The following PRDM16 variants were observed in gnomAD, a reference collection of about 807,000 sequenced individuals.
The protein encoded by PRDM16 is PR/SET domain 16, also known as histone-lysine N-methyltransferase PRDM16.
A neutral mutation model predicts 110.6 loss-of-function variants in PRDM16; 23 were observed. That is an observed-to-expected ratio of 0.21 (90% CI 0.15 to 0.29). The LOEUF is 0.29. Ranked by LOEUF, PRDM16 falls within the 10% of genes least tolerant of loss-of-function variation. The pLI is 1.00. For synonymous variants in PRDM16, 799 were observed against 781.8 expected (o/e 1.02, Z -0.37); for missense variants, 1,615 against 1,794.3 (o/e 0.90, Z 1.81).
intron 3 of PRDM16, among the ~76,000 whole-genome samples, chr1:3,327,500 GGCCCCGGGC>G (rs1641941626): frequency 1.3e-5 from 2 of 152,192 alleles, no homozygotes. Context: ...CAACGGCGGC[GGCCCCGGGC>G]AGGGATTCTG....
At chr1:3,179,078 GGA>G (rs1273493515) in intron 1 of PRDM16, among the ~76,000 whole-genome samples, 1 of 152,250 alleles carries the variant, frequency 6.6e-6, no homozygotes, top group Non-Finnish European at 1.5e-5. Flanking sequence ...TCAGGGCCTT[GGA>G]GGAACTCAGA....
rs1323948102 is a variant in PRDM16, at chr1:3,246,932, G to C, written c.438+2795G>C. Reference sequence around the variant, plus strand: ...TCGAGTGGGCGTCAGTCCAGACGGAGACCCCACCCTGCAAACAAATGCGCC... The same window carrying C: ...TCGAGTGGGCGTCAGTCCAGACGGACACCCCACCCTGCAAACAAATGCGCC... On this transcript the variant is annotated intron_variant, in intron 3 of 16. Transcript: ENST00000270722. The surrounding 1 kb of genome is among the most constrained non-coding windows in gnomAD (Gnocchi z 5.2). Among the ~76,000 whole-genome samples the C allele has an allele frequency of 2.6e-5, 4 of 152,166 alleles. No individual in the cohort carries two copies. The highest frequency in any genetic ancestry group is 5.9e-5 in the Non-Finnish European group (4 of 68,024).
Position 3,327,008 on chromosome 1 carries a change from C to T in PRDM16, c.439-58144C>T, listed in dbSNP as rs531248096. Among the ~76,000 whole-genome samples, 64 of 152,350 alleles carry T rather than the reference C, an allele frequency of 4.2e-4. 1 individual carries two copies. In the South Asian group the frequency reaches 0.011, roughly 26 times the overall value. On this transcript the variant is annotated intron_variant, in intron 3 of 16. Coordinates refer to ENST00000270722, the MANE Select transcript of PRDM16 (RefSeq NM_022114.4). ...AGGAGCCCACGCACAGGGCCTGGAG[C>T]GGGGCTGGGTGGACCTCAGACCCTG...
At chr1:3,298,832 C>T (rs555346991) in intron 3 of PRDM16, among the ~76,000 whole-genome samples, 1 of 152,304 alleles carries the variant, frequency 6.6e-6, no homozygotes, top group South Asian at 2.1e-4. Flanking sequence ...TCTCCAACCA[C>T]GTTTGGCCAA....
At chr1:3,200,072 G>T (rs1638580411) in intron 2 of PRDM16, among the ~76,000 whole-genome samples, 1 of 152,254 alleles carries the variant, frequency 6.6e-6, no homozygotes, top group African/African-American at 2.4e-5. Flanking sequence ...GTAAACATGG[G>T]ACCTTCTTCA....
chr1:3,212,016 G>A (rs1286125113), intron 2 of PRDM16, among the ~76,000 whole-genome samples: 1 of 152,190 alleles, frequency 6.6e-6, no homozygotes, highest in Non-Finnish European at 1.5e-5. Context: ...TCTCCGGGTG[G>A]ATTAATCCTC....
In PRDM16 at chr1:3,390,704, C is replaced by T. The variant is rs1041556395; in HGVS notation, c.573+5418C>T. Among the ~76,000 whole-genome samples the T allele has an allele frequency of 2.0e-5, 3 of 152,156 alleles. No homozygotes were observed. Among genetic ancestry groups the T allele is most frequent in the Admixed American group, 2.0e-4 (3 of 15,282 alleles). On this transcript the variant is annotated intron_variant, in intron 4 of 16. Transcript: ENST00000270722. This position sits in a 1 kb window ranked among gnomAD's most constrained non-coding sequence, Gnocchi z 5.0. ...CTGTCCTGGGCTCTGACCCGGGTCC[C>T]GCGTTTCTGTCTGGGCGTGTGCCCT...
At chr1:3,076,848 C>G (rs1308066077) in intron 1 of PRDM16, among the ~76,000 whole-genome samples, 1 of 152,324 alleles carries the variant, frequency 6.6e-6, no homozygotes, top group South Asian at 2.1e-4. Flanking sequence ...TTGGTTTTCT[C>G]CTCTGACACC....
At chr1:3,418,574 G>A (rs1638338638) in intron 11 of PRDM16, 93 bp from the exon 12 acceptor site, 6 of 837,790 alleles carry the variant, frequency 7.2e-6, no homozygotes, top group Admixed American at 3.9e-5. Context: ...TCAGGTGTGA[G>A]ACCCCGAGCA....
intron 3 of PRDM16, among the ~76,000 whole-genome samples, chr1:3,337,792 C>T (rs4494089): frequency 0.33 from 50,928 of 152,112 alleles, 8,996 homozygotes; most frequent in South Asian, 0.44. Context: ...TTCCACCCCT[C>T]GCCCTGGTGA....
intron 5 of PRDM16, 118 bp from the exon 6 acceptor site, chr1:3,402,673 C>A: frequency 2.4e-6 from 2 of 842,456 alleles, no homozygotes; most frequent in Non-Finnish European, 3.8e-6. Flanking sequence ...GCAGGACTGG[C>A]CAGCCTGGGT....
At chr1:3,310,584 G>A (rs766431005) in intron 3 of PRDM16, among the ~76,000 whole-genome samples, 2 of 152,056 alleles carry the variant, frequency 1.3e-5, no homozygotes, top group East Asian at 1.9e-4. Flanking sequence ...ATGTTTGACC[G>A]AGCCGGGTTA....
At chr1:3,346,245 C>T (rs943605148) in intron 3 of PRDM16, among the ~76,000 whole-genome samples, 9 of 152,258 alleles carry the variant, frequency 5.9e-5, no homozygotes, top group African/African-American at 1.9e-4. Context: ...TGCCCCACGG[C>T]GGTGAGCGAC....
intron 1 of PRDM16, among the ~76,000 whole-genome samples, chr1:3,079,694 C>T (rs1470059269): frequency 6.6e-6 from 1 of 152,202 alleles, no homozygotes. Flanking sequence ...GCTGAGACTG[C>T]TCCAGGGAGA....
chr1:3,346,992 C>A (rs1194635983), intron 3 of PRDM16, among the ~76,000 whole-genome samples: 1 of 152,244 alleles, frequency 6.6e-6, no homozygotes, highest in Non-Finnish European at 1.5e-5. Context: ...CAACCTAATC[C>A]TCTCCAGAAG....
At position 3,130,756 on chromosome 1, in the gene PRDM16, C is replaced by A. The variant is rs553314268; in HGVS notation, c.38-55369C>A. On this transcript the variant is annotated intron_variant, in intron 1 of 16. Transcript: ENST00000270722. ...TACTGTCGCCCTTTTCCCCCGTGAGCTGCATGGCCTTTTCCTTGGTGCGGG... is the reference window on the plus strand; with the variant it reads ...TACTGTCGCCCTTTTCCCCCGTGAGATGCATGGCCTTTTCCTTGGTGCGGG... 2.7e-5 allele frequency among the ~76,000 whole-genome samples: 4 copies of A among 149,466 alleles called. No homozygotes were observed. The South Asian group carries it at 8.6e-4, about 32-fold the overall frequency.
chr1:3,362,798 C>T (rs1016778156), intron 3 of PRDM16, among the ~76,000 whole-genome samples: 18 of 152,234 alleles, frequency 1.2e-4, no homozygotes, highest in African/African-American at 4.1e-4. Context: ...TCCTCCCAGG[C>T]TGCCCTGACC....
intron 1 of PRDM16, among the ~76,000 whole-genome samples, chr1:3,172,149 A>C (rs1419592434): frequency 2.0e-5 from 3 of 152,018 alleles, no homozygotes; most frequent in Non-Finnish European, 4.4e-5. Flanking sequence ...AGAATCACCC[A>C]CTCACATGCA....
chr1:3,395,342 C>A (rs569350461), intron 4 of PRDM16, among the ~76,000 whole-genome samples: 1 of 152,236 alleles, frequency 6.6e-6, no homozygotes, highest in South Asian at 2.1e-4. Context: ...AGGATGGCCA[C>A]GTCCCCTCAA....
Sources: allele counts gnomAD v4.1 joint callset (sites outside exome capture counted in the v4.1 genomes callset), GRCh38; gene constraint gnomAD v4.1.1; non-coding constraint Gnocchi (gnomAD v3.1); transcripts MANE v1.5; gene names NCBI Gene and HGNC (gene_info 2026-07-23, HGNC 2026-07-21).